The following DYNC2I2 variants were observed in gnomAD, a reference collection of about 807,000 sequenced individuals.
DYNC2I2 encodes the protein dynein 2 intermediate chain 2.
DYNC2I2 carries 39 observed loss-of-function variants against 52.0 expected under a neutral mutation model. The observed-to-expected ratio is 0.75, with a 90% CI of 0.58 to 0.98. DYNC2I2 has a LOEUF of 0.98. Among genes scored for constraint, DYNC2I2 ranks in the 50% least tolerant of loss-of-function variants. The pLI is 0.00. For missense variants in DYNC2I2, 743 were observed against 728.4 expected, an observed-to-expected ratio of 1.02 and a Z score of -0.23; for synonymous variants, 359 against 321.1, an observed-to-expected ratio of 1.12 and a Z score of -1.26.
the DYNC2I2 span, among the ~76,000 whole-genome samples, chr9:128,670,304 G>A: frequency 2.6e-5 from 4 of 151,262 alleles, no homozygotes; most frequent in Admixed American, 2.0e-4. Context: ...GCTGGGCGTC[G>A]TGGTGGGTGC....
intron 1 of DYNC2I2, among the ~76,000 whole-genome samples, chr9:128,645,435 G>T (rs1387559162): frequency 1.4e-5 from 2 of 147,666 alleles, no homozygotes; most frequent in African/African-American, 5.0e-5. Flanking sequence ...TGGGCAACAA[G>T]AGTGAAACTC....
At position 128,633,762 on chromosome 9, in the gene DYNC2I2, TGCCAG is replaced by T; in HGVS notation, c.1588_1592del (p.Leu530SerfsTer29). 6.2e-7 allele frequency: 1 copy of T among 1,613,332 alleles called. No individual in the cohort carries two copies. Among genetic ancestry groups the T allele is most frequent in the Non-Finnish European group, 8.5e-7 (1 of 1,180,030 alleles). On this transcript the variant is annotated frameshift_variant, in exon 9 of 9. Coordinates refer to ENST00000372715, the MANE Select transcript of DYNC2I2 (RefSeq NM_052844.4). LOFTEE classifies it high-confidence loss of function. ...GGACCCCTCAGGCCGCCACCTCTGC[TGCCAG>T]GCAGTCCAGGTCCTCAGCTTCCCGG...
intron 1 of DYNC2I2, among the ~76,000 whole-genome samples, chr9:128,648,799 CAAAAAA>C (rs56801175): frequency 5.3e-5 from 7 of 132,168 alleles, no homozygotes; most frequent in Middle Eastern, 3.8e-3. Context: ...GACTCCGTTT[CAAAAAA>C]AAAAAAAAGA....
At chr9:128,634,125 C>A (rs558250544) in intron 8 of DYNC2I2, 101 bp downstream of exon 8, 2 of 1,570,356 alleles carry the variant, frequency 1.3e-6, no homozygotes, top group African/African-American at 1.4e-5. Flanking sequence ...GCCGTCCTTA[C>A]CCCCATGTGT....
chr9:128,641,398 G>A (rs902892498), intron 1 of DYNC2I2, among the ~76,000 whole-genome samples: 8 of 152,060 alleles, frequency 5.3e-5, no homozygotes, highest in African/African-American at 7.2e-5. Context: ...CCCAGCACCC[G>A]GGTAAGCAAC....
the DYNC2I2 span, among the ~76,000 whole-genome samples, chr9:128,675,122 C>T: frequency 6.6e-6 from 1 of 152,136 alleles, no homozygotes; most frequent in Non-Finnish European, 1.5e-5. Context: ...CTTGACTCCT[C>T]TACTCCTTGC....
the DYNC2I2 span, among the ~76,000 whole-genome samples, chr9:128,683,224 C>T: frequency 1.3e-5 from 2 of 151,554 alleles, no homozygotes; most frequent in Non-Finnish European, 2.9e-5. Flanking sequence ...AATAAATACT[C>T]CAAGTCTCCA....
chr9:128,634,582 G>A (rs551445970), intron 7 of DYNC2I2, 107 bp downstream of exon 7: 1 of 1,327,620 alleles, frequency 7.5e-7, no homozygotes, highest in Non-Finnish European at 1.0e-6. Context: ...TCTCAGAGTG[G>A]GCAGAAGGCA....
At chr9:128,673,501 TG>T in the DYNC2I2 span, among the ~76,000 whole-genome samples, 2 of 149,054 alleles carry the variant, frequency 1.3e-5, no homozygotes, top group Non-Finnish European at 3.0e-5. Flanking sequence ...ACCACCTCAC[TG>T]GCTATTTTTT....
At chr9:128,637,852 C>T (rs982205464) in intron 2 of DYNC2I2, among the ~76,000 whole-genome samples, 16 of 152,142 alleles carry the variant, frequency 1.1e-4, no homozygotes, top group African/African-American at 3.6e-4. Context: ...GCACCAGCTG[C>T]CCAGGAAGTG....
the DYNC2I2 span, among the ~76,000 whole-genome samples, chr9:128,662,954 G>A: frequency 1.3e-5 from 2 of 151,692 alleles, no homozygotes; most frequent in Non-Finnish European, 2.9e-5. Flanking sequence ...ACAGGCGTGG[G>A]CCACCACACC....
Position 128,637,009 on chromosome 9 carries a change from G to A in DYNC2I2, c.454C>T (p.Leu152=). 6.2e-7 allele frequency: 1 copy of A among 1,613,302 alleles called. No homozygotes were observed. The highest frequency in any genetic ancestry group is 8.5e-7 in the Non-Finnish European group (1 of 1,179,912). ...TGCGCTTGGGCTGGCGGGTAGCCCAGGGTATACAGACAAGACACCTGCGGA... is the reference window on the plus strand; with the variant it reads ...TGCGCTTGGGCTGGCGGGTAGCCCAAGGTATACAGACAAGACACCTGCGGA... ...QQQMVSCLYT[L]GYPPAQAQGL... is the part of the protein sequence containing the mutation. The change falls in exon 3 of 9, where the codon CTG becomes TTG. Residue 152 remains leucine (L), a synonymous_variant. Coordinates refer to ENST00000372715, the MANE Select transcript of DYNC2I2 (RefSeq NM_052844.4).
At chr9:128,649,640 G>C (rs1860686609) in intron 1 of DYNC2I2, among the ~76,000 whole-genome samples, 1 of 131,520 alleles carries the variant, frequency 7.6e-6, no homozygotes, top group Admixed American at 9.2e-5. Flanking sequence ...AGTGAGCCAA[G>C]ACTGCACCAC....
At chr9:128,675,117 C>T in the DYNC2I2 span, among the ~76,000 whole-genome samples, 3 of 152,168 alleles carry the variant, frequency 2.0e-5, no homozygotes, top group Non-Finnish European at 4.4e-5. Context: ...GGAATCTTGA[C>T]TCCTCTACTC....
At chr9:128,637,587 C>T (rs1227420543) in intron 2 of DYNC2I2, among the ~76,000 whole-genome samples, 2 of 152,104 alleles carry the variant, frequency 1.3e-5, no homozygotes, top group East Asian at 1.9e-4. Flanking sequence ...GGATTACAGG[C>T]GCGTGCCACC....
At chr9:128,656,415 C>T (rs1453344425) in intron 1 of DYNC2I2, 126 bp downstream of exon 1, 1 of 706,980 alleles carries the variant, frequency 1.4e-6, no homozygotes, top group East Asian at 5.0e-5. Context: ...CGAACCCGCC[C>T]GGCAGCCACG....
upstream of DYNC2I2, chr9:128,656,892 CAG>C: frequency 1.4e-6 from 1 of 724,182 alleles, no homozygotes; most frequent in Non-Finnish European, 2.0e-6. Context: ...TCTTCTCGGC[CAG>C]AGAGAGAAGC....
rs1371125699 is a variant in DYNC2I2, at chr9:128,635,094, T to C, written c.979A>G (p.Lys327Glu). 9.3e-6 allele frequency: 15 copies of C among 1,610,548 alleles called. No individual in the cohort carries two copies. The highest frequency in any genetic ancestry group is 1.3e-5 in the Non-Finnish European group (15 of 1,178,260). The stretch of plus-strand genomic sequence containing the variant: ...GCAGTTTCCGGGTGCCCACGTACCT[T>C]CTTGAGCTTGGTGCTCCGTGGCAGC... Reference protein sequence around the residue: ...QQLPRSTKLKKHPRGETEVGA... With the variant: ...QQLPRSTKLKEHPRGETEVGA... The change falls in exon 6 of 9, where the codon AAG becomes GAG. Residue 327 changes from lysine (K) to glutamate (E), a missense_variant and splice_region_variant. By Grantham distance (56) the Lys-to-Glu change is moderately conservative (BLOSUM62 1). Coordinates refer to ENST00000372715, the MANE Select transcript of DYNC2I2 (RefSeq NM_052844.4).
At position 128,656,688 on chromosome 9, in the gene DYNC2I2, C is replaced by G. The variant is rs112510347; in HGVS notation, c.39G>C (p.Ala13=). 2 of 1,489,826 alleles carry G rather than the reference C, an allele frequency of 1.3e-6. No homozygotes were observed. The highest frequency in any genetic ancestry group is 1.3e-5 in the South Asian group (1 of 76,214). The allele number at this position is 1,489,826 out of a possible 1,614,324, so 92.3% of individuals were successfully genotyped here. The change falls in exon 1 of 9, where the codon GCG becomes GCC. Residue 13 remains alanine (A), a synonymous_variant. Coordinates refer to ENST00000372715, the MANE Select transcript of DYNC2I2 (RefSeq NM_052844.4). ...CCAGCGCCGCAACACCAGCGCTTCCCGCCTGGCTGAGTGGCCCCGGCTGCG... is the reference window on the plus strand; with the variant it reads ...CCAGCGCCGCAACACCAGCGCTTCCGGCCTGGCTGAGTGGCCCCGGCTGCG... ...TRAQPGPLSQ[A]GSAGVAALAT...
Sources: allele counts gnomAD v4.1 joint callset (sites outside exome capture counted in the v4.1 genomes callset), GRCh38; gene constraint gnomAD v4.1.1; transcripts MANE v1.5; gene names NCBI Gene and HGNC (gene_info 2026-07-23, HGNC 2026-07-21).